Variants in NEURL4 observed in about 807,000 individuals in gnomAD.
The protein encoded by NEURL4 is neuralized E3 ubiquitin protein ligase 4.
NEURL4 carries 45 observed loss-of-function variants against 148.0 expected under a neutral mutation model. The observed-to-expected ratio is 0.30, with a 90% CI of 0.24 to 0.39. The LOEUF is 0.39. NEURL4 is among the 10% of genes least tolerant of loss of function. The pLI is 1.00. For missense variants in NEURL4, 1,776 were observed against 2,144.0 expected, an observed-to-expected ratio of 0.83 and a Z score of 3.39; for synonymous variants, 854 against 869.0, an observed-to-expected ratio of 0.98 and a Z score of 0.30.
rs2073067175 is a variant in NEURL4, at chr17:7,324,022, T to C, written c.2063-10A>G. ...GGAACTGGAGCCACCTCTGTAAAAG[T>C]GGACATCACCCATCAGGTCTCTAGG... is the stretch of plus-strand genomic sequence containing the variant. On this transcript the variant is annotated splice_polypyrimidine_tract_variant and intron_variant, in intron 11 of 28. Transcript: ENST00000399464. This position sits in a 1 kb window ranked among gnomAD's most constrained non-coding sequence, Gnocchi z 5.9. 3.1e-6 allele frequency: 5 copies of C among 1,608,814 alleles called. No homozygotes were observed. Among genetic ancestry groups the C allele is most frequent in the Non-Finnish European group, 4.2e-6 (5 of 1,179,978 alleles).
chr17:7,316,453 T>A, intron 28 of NEURL4, 126 bp from the exon 29 acceptor site: 1 of 695,748 alleles, frequency 1.4e-6, no homozygotes, highest in Non-Finnish European at 2.5e-6. Flanking sequence ...GGAACTTCGC[T>A]CTAGCTGTTC....
In NEURL4 at chr17:7,327,407, AC is replaced by A; in HGVS notation, c.727+32del. 2 of 1,513,764 alleles carry A rather than the reference AC, an allele frequency of 1.3e-6. No individual in the cohort carries two copies. 93.8% of individuals were successfully genotyped at this position (1,513,764 alleles called of 1,614,324 possible). On this transcript the variant is annotated intron_variant, in intron 2 of 28. Coordinates refer to ENST00000399464, the MANE Select transcript of NEURL4 (RefSeq NM_032442.3). The surrounding 1 kb of genome is among the most constrained non-coding windows in gnomAD (Gnocchi z 6.6). ...ACTCTATTTCCCCCATTCCGTCCCC[AC>A]CCCACCACCACTGCCCTAGCTGTGT... is the stretch of plus-strand genomic sequence containing the variant.
At position 7,315,779 on chromosome 17, in the gene NEURL4, C is replaced by T. The variant is rs1043786; in HGVS notation, c.*344G>A. 1 of 511,862 alleles carries T rather than the reference C, an allele frequency of 2.0e-6. No homozygotes were observed. The highest frequency in any genetic ancestry group is 3.4e-6 in the Non-Finnish European group (1 of 290,490). 31.7% of individuals were successfully genotyped at this position (511,862 alleles called of 1,614,324 possible). A position where few individuals can be genotyped will look rare whatever the true frequency, so the allele number is the denominator to read the frequency against. ...CATGTGGGCACAGGGAGAGACTCCT[C>T]TGGGATTCACAGTAACCAGAAACAA... On this transcript the variant is annotated 3_prime_UTR_variant, in exon 29 of 29. Transcript: ENST00000399464.
chr17:7,324,561 C>G lies in NEURL4; in HGVS notation c.1814-81G>C. ...TGCCACAGCAGCGCCCACAGGACTC[C>G]CGAGCCCACAGTCCACCTTGCCTTT... On this transcript the variant is annotated intron_variant, in intron 9 of 28. Coordinates refer to ENST00000399464, the MANE Select transcript of NEURL4 (RefSeq NM_032442.3). The surrounding 1 kb of genome is among the most constrained non-coding windows in gnomAD (Gnocchi z 5.9). 1 of 1,332,876 alleles carries G rather than the reference C, an allele frequency of 7.5e-7. No individual in the cohort carries two copies. Among genetic ancestry groups the G allele is most frequent in the Non-Finnish European group, 1.1e-6 (1 of 930,130 alleles). 82.6% of individuals were successfully genotyped at this position (1,332,876 alleles called of 1,614,324 possible). A position where few individuals can be genotyped will look rare whatever the true frequency, so the allele number is the denominator to read the frequency against.
Position 7,321,123 on chromosome 17 carries a change from G to A in NEURL4, c.3349C>T (p.His1117Tyr), listed in dbSNP as rs201132078. 4.3e-6 allele frequency: 7 copies of A among 1,613,642 alleles called. No individual in the cohort carries two copies. The Admixed American group carries it at 1.2e-4, about 27-fold the overall frequency. Residue 1117 changes from histidine to tyrosine, a missense_variant, in exon 20 of 29, where the codon CAT becomes TAT. His to Tyr is a moderately conservative substitution (Grantham distance 83). Coordinates refer to ENST00000399464, the MANE Select transcript of NEURL4 (RefSeq NM_032442.3). This position sits in a 1 kb window ranked among gnomAD's most constrained non-coding sequence, Gnocchi z 6.3. ...CTGCAGCCTCTTACTCCCAGGCCAT[G>A]CTCCTCGCCCTCGTCATCCTCCTCG... The part of the protein sequence containing the change: ...EGEEDDEGEE[H>Y]GLGGQNEVGI...
rs2073078080 is a variant in NEURL4, at chr17:7,324,708, G to C, written c.1813+91C>G. 1 of 1,409,886 alleles carries C rather than the reference G, an allele frequency of 7.1e-7. No homozygotes were observed. Among genetic ancestry groups the C allele is most frequent in the South Asian group, 1.2e-5 (1 of 81,212 alleles). The allele number at this position is 1,409,886 out of a possible 1,614,324, so 87.3% of individuals were successfully genotyped here. A position where few individuals can be genotyped will look rare whatever the true frequency, so the allele number is the denominator to read the frequency against. ...GAATGAGTGGTCACAAGAGTGACAAGTGAAAAAGGAGCTGCAGAACAAGTG... is the reference window on the plus strand; with the variant it reads ...GAATGAGTGGTCACAAGAGTGACAACTGAAAAAGGAGCTGCAGAACAAGTG... On this transcript the variant is annotated intron_variant, in intron 9 of 28. Transcript: ENST00000399464. The surrounding 1 kb of genome is among the most constrained non-coding windows in gnomAD (Gnocchi z 5.9).
At chr17:7,320,377 C>T (rs892398663) in intron 21 of NEURL4, among the ~76,000 whole-genome samples, 3 of 152,132 alleles carry the variant, frequency 2.0e-5, no homozygotes, top group Admixed American at 6.5e-5. Context: ...TCAAGCGATC[C>T]GCCTGCCTTG....
rs770945097 is a variant in NEURL4 at position 7,324,934 on chromosome 17, G to A, written c.1678C>T (p.Leu560=). The change falls in exon 9 of 29, where the codon CTG becomes TTG. Residue 560 remains leucine, a synonymous_variant. Transcript: ENST00000399464. This position sits in a 1 kb window ranked among gnomAD's most constrained non-coding sequence, Gnocchi z 5.9. Reference sequence around the variant, plus strand: ...ACCTGGAACACCTCTCCATCCCGCAGGGCTCTGCTGCTCAGCACCACGCCG... The same window carrying A: ...ACCTGGAACACCTCTCCATCCCGCAAGGCTCTGCTGCTCAGCACCACGCCG... ...NHGVVLSSRA[L]RDGEVFQVRI... The A allele has an allele frequency of 3.7e-6, 6 of 1,614,062 alleles. No individual in the cohort carries two copies. The highest frequency in any genetic ancestry group is 3.4e-6 in the Non-Finnish European group (4 of 1,180,032).
intron 21 of NEURL4, 44 bp from the exon 22 acceptor site, chr17:7,319,252 G>A (rs761185375): frequency 6.4e-7 from 1 of 1,554,870 alleles, no homozygotes; most frequent in Admixed American, 1.8e-5. Context: ...CTCCTGGGAA[G>A]AACCAGGCTC....
In NEURL4 at chr17:7,322,497, C is replaced by T. The variant is rs573555834; in HGVS notation, c.2725+238G>A. Among the ~76,000 whole-genome samples the T allele has an allele frequency of 6.6e-6, 1 of 152,318 alleles. No homozygotes were observed. Among genetic ancestry groups the T allele is most frequent in the Non-Finnish European group, 1.5e-5 (1 of 68,012 alleles). On this transcript the variant is annotated intron_variant, in intron 16 of 28. Coordinates refer to ENST00000399464, the MANE Select transcript of NEURL4 (RefSeq NM_032442.3). The surrounding 1 kb of genome is among the most constrained non-coding windows in gnomAD (Gnocchi z 5.5). Reference sequence around the variant, plus strand: ...CACCACAGCAAGGCCCATTTCCAAACCTGGCATGCTCAGCTTATGGTGTCC... The same window carrying T: ...CACCACAGCAAGGCCCATTTCCAAATCTGGCATGCTCAGCTTATGGTGTCC...
At chr17:7,317,646 T>G in intron 26 of NEURL4, 73 bp from the exon 27 acceptor site, 2 of 1,561,094 alleles carry the variant, frequency 1.3e-6, no homozygotes, top group Non-Finnish European at 1.8e-6. Context: ...CACGAGGCTC[T>G]TCCTTAGACA....
At chr17:7,319,700 C>CAAA (rs369930443) in intron 21 of NEURL4, among the ~76,000 whole-genome samples, 2 of 118,076 alleles carry the variant, frequency 1.7e-5, no homozygotes, top group Admixed American at 1.9e-4. Context: ...AACTCCGTCT[C>CAAA]AAAAAAAACA....
At chr17:7,320,266 G>A (rs1242690696) in intron 21 of NEURL4, among the ~76,000 whole-genome samples, 1 of 152,034 alleles carries the variant, frequency 6.6e-6, no homozygotes, top group African/African-American at 2.4e-5. Context: ...CCGAGTAGCT[G>A]GGATTACAGG....
chr17:7,318,006 C>G lies in NEURL4; in HGVS notation c.4060+59G>C. ...CACAGTGGCACCCTCCAGCTGCTCT[C>G]CAAGGCTCTAGGCCTGGCCCTGGGA... On this transcript the variant is annotated intron_variant, in intron 25 of 28. Coordinates refer to ENST00000399464, the MANE Select transcript of NEURL4 (RefSeq NM_032442.3). This position sits in a 1 kb window ranked among gnomAD's most constrained non-coding sequence, Gnocchi z 4.3. 1.9e-6 allele frequency: 3 copies of G among 1,613,738 alleles called. No homozygotes were observed. Among genetic ancestry groups the G allele is most frequent in the Non-Finnish European group, 1.7e-6 (2 of 1,179,662 alleles).
At position 7,315,826 on chromosome 17, in the gene NEURL4, T is replaced by C; in HGVS notation, c.*297A>G. The C allele has an allele frequency of 2.0e-6, 1 of 510,400 alleles. No individual in the cohort carries two copies. The highest frequency in any genetic ancestry group is 3.1e-5 in the South Asian group (1 of 32,644). The allele number at this position is 510,400 out of a possible 1,614,324, so 31.6% of individuals were successfully genotyped here. A position where few individuals can be genotyped will look rare whatever the true frequency, so the allele number is the denominator to read the frequency against. ...ACAAAAACGGAAATAAATTAAGTGA[T>C]GTGGGGTAGGGGAGTAAAAGGGAGT... On this transcript the variant is annotated 3_prime_UTR_variant, in exon 29 of 29. Coordinates refer to ENST00000399464, the MANE Select transcript of NEURL4 (RefSeq NM_032442.3).
rs1388982146 is a variant in NEURL4 at position 7,327,967 on chromosome 17, G to C, written c.283-83C>G. ...ACCATATCTTCCCACCTCTCAGACAGCTAGCTGGCTTTCTGTCTCTTGGAA... is the reference window on the plus strand; with the variant it reads ...ACCATATCTTCCCACCTCTCAGACACCTAGCTGGCTTTCTGTCTCTTGGAA... On this transcript the variant is annotated intron_variant, in intron 1 of 28. Transcript: ENST00000399464. The surrounding 1 kb of genome is among the most constrained non-coding windows in gnomAD (Gnocchi z 6.6). 1 of 1,110,518 alleles carries C rather than the reference G, an allele frequency of 9.0e-7. No individual in the cohort carries two copies. The highest frequency in any genetic ancestry group is 1.3e-6 in the Non-Finnish European group (1 of 792,730). The allele number at this position is 1,110,518 out of a possible 1,614,324, so 68.8% of individuals were successfully genotyped here.
chr17:7,324,837 T>C lies in NEURL4; in HGVS notation c.1775A>G (p.Tyr592Cys), dbSNP rs968305497. ...EIGVTTHNPAYLQLPSTMTNL... is the reference protein window; with the variant it reads ...EIGVTTHNPACLQLPSTMTNL... ...GGTCATGGTGGAGGGCAACTGGAGGTAGGCAGGGTTGTGGGTGGTGACACC... is the reference window on the plus strand; with the variant it reads ...GGTCATGGTGGAGGGCAACTGGAGGCAGGCAGGGTTGTGGGTGGTGACACC... The change falls in exon 9 of 29, where the codon TAC becomes TGC. Residue 592 changes from tyrosine (Y) to cysteine (C), a missense_variant. Tyr to Cys is a radical substitution (Grantham distance 194). Coordinates refer to ENST00000399464, the MANE Select transcript of NEURL4 (RefSeq NM_032442.3). This position sits in a 1 kb window ranked among gnomAD's most constrained non-coding sequence, Gnocchi z 5.9. 3 of 1,613,902 alleles carry C rather than the reference T, an allele frequency of 1.9e-6. No homozygotes were observed. Among genetic ancestry groups the C allele is most frequent in the African/African-American group, 2.7e-5 (2 of 74,854 alleles).
Position 7,324,175 on chromosome 17 carries a change from G to A in NEURL4, c.1995C>T (p.Pro665=), listed in dbSNP as rs374375353. Residue 665 remains proline, a synonymous_variant, in exon 11 of 29, where the codon CCC becomes CCT. Coordinates refer to ENST00000399464, the MANE Select transcript of NEURL4 (RefSeq NM_032442.3). This position sits in a 1 kb window ranked among gnomAD's most constrained non-coding sequence, Gnocchi z 5.9. ...GATCGACGACAGCATAGACGCCCGG[G>A]GGCACGTTCCAGGCAGCAGGGCCCT... The part of the protein sequence containing the change: ...MTQGPAAWNV[P]PGVYAVVDLY... 1 of 1,613,808 alleles carries A rather than the reference G, an allele frequency of 6.2e-7. No homozygotes were observed.
At position 7,318,708 on chromosome 17, in the gene NEURL4, A is replaced by G. The variant is rs1263643766; in HGVS notation, c.3685-34T>C. 1 of 1,572,766 alleles carries G rather than the reference A, an allele frequency of 6.4e-7. No homozygotes were observed. The stretch of plus-strand genomic sequence containing the variant: ...AGAGACCGGCTGTCTTCCAGAGGTC[A>G]GACTCCACCGCGGCAGCTGTCCCGC... On this transcript the variant is annotated intron_variant, in intron 22 of 28. Coordinates refer to ENST00000399464, the MANE Select transcript of NEURL4 (RefSeq NM_032442.3). This position sits in a 1 kb window ranked among gnomAD's most constrained non-coding sequence, Gnocchi z 4.3.
Sources: allele counts gnomAD v4.1 joint callset (sites outside exome capture counted in the v4.1 genomes callset), GRCh38; gene constraint gnomAD v4.1.1; non-coding constraint Gnocchi (gnomAD v3.1); transcripts MANE v1.5; gene names NCBI Gene and HGNC (gene_info 2026-07-23, HGNC 2026-07-21).